Variants in PRKCZ observed in about 807,000 individuals in gnomAD.
PRKCZ encodes protein kinase C zeta.
Under a neutral mutation model 79.5 loss-of-function variants are expected in PRKCZ, and 33 were observed. The ratio of observed to expected loss-of-function variants is 0.41; its 90% CI spans 0.31 to 0.55. PRKCZ has a LOEUF of 0.55. Ranked by LOEUF, PRKCZ falls within the 20% of genes least tolerant of loss-of-function variation. The pLI is 0.19. For missense variants in PRKCZ, 578 were observed against 813.5 expected (o/e 0.71, Z 3.52); for synonymous variants, 342 against 320.9 (o/e 1.07, Z -0.70).
At chr1:2,063,470 G>A (rs1318191527) in intron 4 of PRKCZ, among the ~76,000 whole-genome samples, 2 of 151,974 alleles carry the variant, frequency 1.3e-5, no homozygotes, top group South Asian at 2.1e-4. Context: ...GTGCCACCAC[G>A]CCCAGCTAAT....
chr1:2,127,032 G>C lies in PRKCZ; in HGVS notation c.335-8230G>C, dbSNP rs567707242. Among the ~76,000 whole-genome samples, 4 of 152,326 alleles carry C rather than the reference G, an allele frequency of 2.6e-5. No individual in the cohort carries two copies. The highest frequency in any genetic ancestry group is 6.5e-5 in the Admixed American group (1 of 15,308). Reference sequence around the variant, plus strand: ...GCAGAGCTTGGCTCCCTGTTCGCCCGACTGGCGCCTCGGCTGTGCCTCTTC... The same window carrying C: ...GCAGAGCTTGGCTCCCTGTTCGCCCCACTGGCGCCTCGGCTGTGCCTCTTC... On this transcript the variant is annotated intron_variant, in intron 4 of 17. Transcript: ENST00000378567. The surrounding 1 kb of genome is among the most constrained non-coding windows in gnomAD (Gnocchi z 5.1).
chr1:2,111,335 T>C (rs551964741), intron 4 of PRKCZ, among the ~76,000 whole-genome samples: 4 of 151,318 alleles, frequency 2.6e-5, no homozygotes, highest in South Asian at 4.2e-4. Flanking sequence ...GGGTCCCAGG[T>C]TGACAGGGAC....
intron 10 of PRKCZ, among the ~76,000 whole-genome samples, chr1:2,167,531 C>T (rs1419151073): frequency 2.0e-5 from 3 of 152,156 alleles, no homozygotes; most frequent in Non-Finnish European, 4.4e-5. Flanking sequence ...GACCAGCACC[C>T]ATTGGGGCGT....
In PRKCZ at chr1:2,121,636, T is replaced by C. The variant is rs796774832; in HGVS notation, c.335-13626T>C. Among the ~76,000 whole-genome samples, 298 of 17,704 alleles carry C rather than the reference T, an allele frequency of 0.017. 69 individuals carry two copies. The East Asian group carries it at 0.18, about 11-fold the overall frequency. 11.6% of individuals were successfully genotyped at this position (17,704 alleles called of 152,430 possible). A position where few individuals can be genotyped will look rare whatever the true frequency, so the allele number is the denominator to read the frequency against. Reference sequence around the variant, plus strand: ...GTCATGGTGGTGGTTAGGGTCACAGTGGTAGTTAGGGTCACGGTGGTGGTT... The same window carrying C: ...GTCATGGTGGTGGTTAGGGTCACAGCGGTAGTTAGGGTCACGGTGGTGGTT... On this transcript the variant is annotated intron_variant, in intron 4 of 17. Transcript: ENST00000378567.
chr1:2,074,231 G>A lies in PRKCZ; in HGVS notation c.334+14640G>A, dbSNP rs78053931. On this transcript the variant is annotated intron_variant, in intron 4 of 17. Coordinates refer to ENST00000378567, the MANE Select transcript of PRKCZ (RefSeq NM_002744.6). Reference sequence around the variant, plus strand: ...AAGGCTGTGGAGGGACCTTCTGAGCGAGGCAGGGGCTGCTGGAGGGACATG... The same window carrying A: ...AAGGCTGTGGAGGGACCTTCTGAGCAAGGCAGGGGCTGCTGGAGGGACATG... The A allele has an allele frequency of 2.1e-3, 3,324 of 1,550,534 alleles. 64 individuals are homozygous for A. In the African/African-American group the frequency reaches 0.039, roughly 18 times the overall value.
intron 4 of PRKCZ, among the ~76,000 whole-genome samples, chr1:2,076,699 G>A (rs559502371): frequency 6.7e-5 from 10 of 150,112 alleles, no homozygotes; most frequent in Admixed American, 2.0e-4. Flanking sequence ...TCAAGATTGC[G>A]CCACCGCACT....
rs1350164851 is a variant in PRKCZ, at chr1:2,172,645, G to C, written c.1285+257G>C. Among the ~76,000 whole-genome samples the C allele has an allele frequency of 6.6e-6, 1 of 152,198 alleles. No homozygotes were observed. Among genetic ancestry groups the C allele is most frequent in the Non-Finnish European group, 1.5e-5 (1 of 68,028 alleles). The stretch of plus-strand genomic sequence containing the variant: ...GCCAGGGAGCCCCGGGGCACAGGGA[G>C]GGGAAAGACACAGAAAGCGGGGGTG... On this transcript the variant is annotated intron_variant, in intron 13 of 17. Coordinates refer to ENST00000378567, the MANE Select transcript of PRKCZ (RefSeq NM_002744.6). This position sits in a 1 kb window ranked among gnomAD's most constrained non-coding sequence, Gnocchi z 7.8.
rs575471580 is a variant in PRKCZ, at chr1:2,057,110, C to T, written c.283+537C>T. On this transcript the variant is annotated intron_variant, in intron 3 of 17. Transcript: ENST00000378567. ...ACCACTCAGAGGCTCCAGTGGCCAG[C>T]GTAGGGCCCGCGGCGCATGTGGACA... Among the ~76,000 whole-genome samples, 249 of 152,354 alleles carry T rather than the reference C, an allele frequency of 1.6e-3. 1 individual carries two copies. Among genetic ancestry groups the T allele is most frequent in the African/African-American group, 5.3e-3 (221 of 41,578 alleles).
chr1:2,057,334 G>C (rs964816539), intron 3 of PRKCZ, among the ~76,000 whole-genome samples: 1 of 152,212 alleles, frequency 6.6e-6, no homozygotes, highest in East Asian at 1.9e-4. Flanking sequence ...AGGGCGTCTG[G>C]GGCCTGGGAA....
chr1:2,058,306 A>ATTTTTTTTTT (rs35722361), intron 3 of PRKCZ, among the ~76,000 whole-genome samples: 2 of 125,350 alleles, frequency 1.6e-5, no homozygotes, highest in African/African-American at 3.2e-5. Flanking sequence ...CCCGGCCCCA[A>ATTTTTTTTTT]TTTTTTTTTT....
chr1:2,093,013 AC>A (rs1179603202), intron 4 of PRKCZ, among the ~76,000 whole-genome samples: 2 of 151,958 alleles, frequency 1.3e-5, no homozygotes, highest in Non-Finnish European at 2.9e-5. Context: ...GTGCCACCTC[AC>A]CCCCCAGTTA....
chr1:2,104,049 G>T (rs1290342566), intron 4 of PRKCZ, among the ~76,000 whole-genome samples: 1 of 152,174 alleles, frequency 6.6e-6, no homozygotes, highest in Admixed American at 6.5e-5. Flanking sequence ...ACCACATAAT[G>T]AGGTTTTCTG....
intron 4 of PRKCZ, among the ~76,000 whole-genome samples, chr1:2,078,528 C>T (rs527529945): frequency 6.6e-6 from 1 of 152,090 alleles, no homozygotes; most frequent in Non-Finnish European, 1.5e-5. Context: ...TGTTCCTTGT[C>T]GTGGAAACTT....
chr1:2,103,960 G>A (rs902119346), intron 4 of PRKCZ, among the ~76,000 whole-genome samples: 1 of 152,234 alleles, frequency 6.6e-6, no homozygotes, highest in Non-Finnish European at 1.5e-5. Context: ...CTGAAGAGAT[G>A]GGATGGACCC....
chr1:2,095,041 C>T (rs1666216079), intron 4 of PRKCZ, among the ~76,000 whole-genome samples: 1 of 152,192 alleles, frequency 6.6e-6, no homozygotes, highest in African/African-American at 2.4e-5. Context: ...CCATGTGCTG[C>T]TCCGCCACAC....
At chr1:2,145,927 A>T (rs1443668630) in intron 6 of PRKCZ, 100 bp from the exon 7 acceptor site, 1 of 1,062,094 alleles carries the variant, frequency 9.4e-7, no homozygotes. Flanking sequence ...TGTAAAAAAA[A>T]GTTCTTAATT....
intron 1 of PRKCZ, among the ~76,000 whole-genome samples, chr1:2,052,136 G>A (rs1027093425): frequency 6.6e-6 from 1 of 152,160 alleles, no homozygotes; most frequent in Admixed American, 6.5e-5. Context: ...GTGATGGTGC[G>A]GAGCTCAGGG....
rs972036711 is a variant in PRKCZ at position 2,144,150 on chromosome 1, C to T, written c.421-60C>T. On this transcript the variant is annotated intron_variant, in intron 5 of 17. Transcript: ENST00000378567. Reference sequence around the variant, plus strand: ...AAGGTATAGGTGTGGAAGGCCCTGCCTGTCCTCTCCGCTGGCCCCTCAGTG... The same window carrying T: ...AAGGTATAGGTGTGGAAGGCCCTGCTTGTCCTCTCCGCTGGCCCCTCAGTG... 7.2e-6 allele frequency: 11 copies of T among 1,536,708 alleles called. No individual in the cohort carries two copies. In the African/African-American group the frequency reaches 1.5e-4, roughly 21 times the overall value.
rs113809080 is a variant in PRKCZ at position 2,055,098 on chromosome 1, G to A, written c.72-343G>A. ...GCTGGGACTACAGGCGCCCGCCACC[G>A]CGCCTGGCTAATTTTTTGTATTTTT... On this transcript the variant is annotated intron_variant, in intron 1 of 17. Transcript: ENST00000378567. Among the ~76,000 whole-genome samples, 880 of 151,908 alleles carry A rather than the reference G, an allele frequency of 5.8e-3. 6 individuals carry two copies. Among genetic ancestry groups the A allele is most frequent in the African/African-American group, 0.02 (834 of 41,438 alleles).
Sources: allele counts gnomAD v4.1 joint callset (sites outside exome capture counted in the v4.1 genomes callset), GRCh38; gene constraint gnomAD v4.1.1; non-coding constraint Gnocchi (gnomAD v3.1); transcripts MANE v1.5; gene names NCBI Gene and HGNC (gene_info 2026-07-23, HGNC 2026-07-21).